Variants in PDE12 observed in about 807,000 individuals in gnomAD.
PDE12 encodes 2',5'-phosphodiesterase 12.
A neutral mutation model predicts 45.4 loss-of-function variants in PDE12; 26 were observed. The observed-to-expected ratio is 0.57, with a 90% CI of 0.42 to 0.79. PDE12 has a LOEUF of 0.79. PDE12 is among the 30% of genes least tolerant of loss of function. The probability of loss-of-function intolerance (pLI) is 0.00; values close to 1 mark genes in which losing one functional copy is unlikely to be tolerated. For synonymous variants in PDE12, 283 were observed against 323.9 expected (o/e 0.87, Z 1.36); for missense variants, 668 against 790.0 (o/e 0.85, Z 1.85).
the PDE12 span, among the ~76,000 whole-genome samples, chr3:57,641,488 A>G: frequency 1.3e-5 from 2 of 150,982 alleles, no homozygotes; most frequent in East Asian, 1.9e-4. Flanking sequence ...TATACATATT[A>G]TAAGAGCCTG....
chr3:57,637,189 C>A, the PDE12 span, among the ~76,000 whole-genome samples: 1 of 152,120 alleles, frequency 6.6e-6, no homozygotes, highest in South Asian at 2.1e-4. Flanking sequence ...GAAACTAAAG[C>A]ATGGGCAGAA....
At chr3:57,616,461 G>GAGGAGAAAGAAGGA in the PDE12 span, among the ~76,000 whole-genome samples, 1 of 150,264 alleles carries the variant, frequency 6.7e-6, no homozygotes, top group Non-Finnish European at 1.5e-5. Context: ...AGAGTAGGAG[G>GAGGAGAAAGAAGGA]AGGAGAAAGA....
At chr3:57,639,398 T>C in the PDE12 span, among the ~76,000 whole-genome samples, 24 of 152,328 alleles carry the variant, frequency 1.6e-4, no homozygotes, top group Non-Finnish European at 2.8e-4. Context: ...CTACCAATGA[T>C]TTTGTGCAAA....
At position 57,562,639 on chromosome 3, in the gene PDE12, T is replaced by C. The variant is rs1197442432; in HGVS notation, c.*2635T>C. 1 of 152,240 alleles carries C rather than the reference T, an allele frequency of 6.6e-6. No individual in the cohort carries two copies. The highest frequency in any genetic ancestry group is 1.5e-5 in the Non-Finnish European group (1 of 68,042). The allele number at this position is 152,240 out of a possible 1,614,324, so 9.4% of individuals were successfully genotyped here. A position where few individuals can be genotyped will look rare whatever the true frequency, so the allele number is the denominator to read the frequency against. ...TTCTATGGTAAACCACATTTTATAA[T>C]GTCACAAGTTCTTGCTATAGGAATT... On this transcript the variant is annotated 3_prime_UTR_variant, in exon 3 of 3. Coordinates refer to ENST00000311180, the MANE Select transcript of PDE12 (RefSeq NM_177966.7).
chr3:57,613,900 C>CAA, the PDE12 span, among the ~76,000 whole-genome samples: 577 of 59,112 alleles, frequency 9.8e-3, 12 homozygotes, highest in African/African-American at 0.017. Flanking sequence ...GACTCCATCT[C>CAA]AAAAAAAAAA....
chr3:57,572,950 C>T, the PDE12 span, among the ~76,000 whole-genome samples: 1 of 151,982 alleles, frequency 6.6e-6, no homozygotes, highest in African/African-American at 2.4e-5. Flanking sequence ...CACCTGTAAT[C>T]CCAGCACTTT....
the PDE12 span, among the ~76,000 whole-genome samples, chr3:57,582,986 G>A: frequency 6.6e-6 from 1 of 152,174 alleles, no homozygotes; most frequent in African/African-American, 2.4e-5. Flanking sequence ...ATTTTTGGCT[G>A]CTACTTGAGG....
At chr3:57,639,083 A>C in the PDE12 span, among the ~76,000 whole-genome samples, 1 of 152,130 alleles carries the variant, frequency 6.6e-6, no homozygotes, top group Non-Finnish European at 1.5e-5. Flanking sequence ...GAGCAACAGC[A>C]CAAGACCCTA....
the PDE12 span, among the ~76,000 whole-genome samples, chr3:57,636,239 A>G: frequency 6.6e-6 from 1 of 152,220 alleles, no homozygotes; most frequent in Non-Finnish European, 1.5e-5. Flanking sequence ...TTTGCAGAGA[A>G]GCTGCCAAGT....
At chr3:57,617,703 G>T in the PDE12 span, among the ~76,000 whole-genome samples, 16 of 151,956 alleles carry the variant, frequency 1.1e-4, no homozygotes, top group Non-Finnish European at 1.9e-4. Context: ...TCTCTACAAA[G>T]AAATTTTTTT....
chr3:57,647,011 C>G, the PDE12 span, among the ~76,000 whole-genome samples: 2 of 152,134 alleles, frequency 1.3e-5, no homozygotes, highest in Non-Finnish European at 2.9e-5. Context: ...GGACACAACT[C>G]TGCTAGTATG....
At chr3:57,592,720 T>A in the PDE12 span, among the ~76,000 whole-genome samples, 8 of 152,192 alleles carry the variant, frequency 5.3e-5, no homozygotes, top group South Asian at 2.1e-4. Context: ...GCCAGTGGCA[T>A]GAAACAGGAT....
At position 57,561,644 on chromosome 3, in the gene PDE12, C is replaced by T. The variant is rs1004805139; in HGVS notation, c.*1640C>T. On this transcript the variant is annotated 3_prime_UTR_variant, in exon 3 of 3. Transcript: ENST00000311180. ...TCTCATTTCTGCATTTAATTAATAG[C>T]TCGAGTATTAAAAGCCCACTCCCTT... is the stretch of plus-strand genomic sequence containing the variant. The T allele has an allele frequency of 7.1e-6, 7 of 984,924 alleles. No individual in the cohort carries two copies. The highest frequency in any genetic ancestry group is 7.2e-6 in the Non-Finnish European group (6 of 829,658). The allele number at this position is 984,924 out of a possible 1,614,324, so 61.0% of individuals were successfully genotyped here.
the PDE12 span, chr3:57,654,534 G>C: frequency 1.4e-6 from 1 of 739,500 alleles, no homozygotes; most frequent in South Asian, 6.1e-5. Flanking sequence ...TAACTGATGT[G>C]TCTCTCATTG....
the PDE12 span, among the ~76,000 whole-genome samples, chr3:57,644,394 C>T: frequency 4.6e-5 from 7 of 151,932 alleles, no homozygotes; most frequent in East Asian, 1.4e-3. Context: ...CAACCTCTGC[C>T]TCCTAGGCTC....
the PDE12 span, among the ~76,000 whole-genome samples, chr3:57,592,738 T>C: frequency 6.6e-6 from 1 of 152,194 alleles, no homozygotes; most frequent in Non-Finnish European, 1.5e-5. Flanking sequence ...GATTTTTGCC[T>C]TTTCTGTTTC....
At chr3:57,602,874 C>G in the PDE12 span, among the ~76,000 whole-genome samples, 213 of 152,180 alleles carry the variant, frequency 1.4e-3, no homozygotes, top group African/African-American at 4.9e-3. Flanking sequence ...TCCGGCCTAC[C>G]ATTTAGCATT....
At chr3:57,622,136 A>ACTGT in the PDE12 span, among the ~76,000 whole-genome samples, 4 of 152,210 alleles carry the variant, frequency 2.6e-5, no homozygotes, top group African/African-American at 9.6e-5. Context: ...AGATAGTGCC[A>ACTGT]CTGTATTCCA....
the PDE12 span, among the ~76,000 whole-genome samples, chr3:57,615,005 A>G: frequency 6.7e-6 from 1 of 149,994 alleles, no homozygotes. Flanking sequence ...AAAAAAAAAA[A>G]GTTTTTTTTA....
Sources: allele counts gnomAD v4.1 joint callset (sites outside exome capture counted in the v4.1 genomes callset), GRCh38; gene constraint gnomAD v4.1.1; transcripts MANE v1.5; gene names NCBI Gene and HGNC (gene_info 2026-07-23, HGNC 2026-07-21).